The following UBR2 variants were observed in gnomAD, a reference collection of about 807,000 sequenced individuals.
UBR2 encodes ubiquitin protein ligase E3 component n-recognin 2, also known as E3 ubiquitin-protein ligase UBR2.
A neutral mutation model predicts 247.9 loss-of-function variants in UBR2; 92 were observed. The ratio of observed to expected loss-of-function variants is 0.37; its 90% CI spans 0.31 to 0.44. UBR2 has a LOEUF of 0.44. Ranked by LOEUF, UBR2 falls within the 20% of genes least tolerant of loss-of-function variation. The pLI is 1.00. For synonymous variants in UBR2, 672 were observed against 693.5 expected (o/e 0.97, Z 0.49); for missense variants, 1,613 against 2,112.6 (o/e 0.76, Z 4.64).
In UBR2 at chr6:42,659,548, CACACACACACACACT is replaced by C. The variant is rs1265257860; in HGVS notation, c.3243-93_3243-79del. 1.3e-3 allele frequency: 955 copies of C among 751,578 alleles called. 9 individuals carry two copies. In the African/African-American group the frequency reaches 0.017, roughly 13 times the overall value. The allele number at this position is 751,578 out of a possible 1,614,324, so 46.6% of individuals were successfully genotyped here. ...ACACACACACACACACACACACACA[CACACACACACACACT>C]ACACACACACACACATACCTGTAGT... On this transcript the variant is annotated intron_variant, in intron 29 of 46. Transcript: ENST00000372901. This position sits in a 1 kb window ranked among gnomAD's most constrained non-coding sequence, Gnocchi z 4.3.
intron 7 of UBR2, among the ~76,000 whole-genome samples, chr6:42,611,962 T>C (rs1027244923): frequency 1.3e-5 from 2 of 151,312 alleles, no homozygotes; most frequent in Admixed American, 1.3e-4. Context: ...AGCTGAACCT[T>C]CGTATTTTTT....
At chr6:42,681,182 A>AT in intron 42 of UBR2, among the ~76,000 whole-genome samples, 1 of 150,202 alleles carries the variant, frequency 6.7e-6, no homozygotes, top group African/African-American at 2.4e-5. Flanking sequence ...AAAAAAAAAA[A>AT]GAAAGACCAG....
At chr6:42,589,249 G>A (rs1326059023) in intron 2 of UBR2, among the ~76,000 whole-genome samples, 2 of 152,180 alleles carry the variant, frequency 1.3e-5, no homozygotes, top group African/African-American at 4.8e-5. Flanking sequence ...GATTACAGGT[G>A]TGAGCCACTG....
intron 21 of UBR2, among the ~76,000 whole-genome samples, chr6:42,647,417 T>TAA (rs750938791): frequency 0.022 from 2,226 of 101,824 alleles, 70 homozygotes; most frequent in East Asian, 0.052. Context: ...CCATCGCTAC[T>TAA]AAAAAAAAAA....
intron 31 of UBR2, 45 bp downstream of exon 31, chr6:42,662,322 G>C: frequency 8.1e-7 from 1 of 1,238,312 alleles, no homozygotes; most frequent in Non-Finnish European, 1.1e-6. Flanking sequence ...TTATCTAAGG[G>C]CTCAATATTT....
intron 11 of UBR2, among the ~76,000 whole-genome samples, chr6:42,626,650 C>T (rs1795367737): frequency 6.6e-6 from 1 of 152,212 alleles, no homozygotes; most frequent in African/African-American, 2.4e-5. Context: ...ACTTCTGCTT[C>T]ATCCCCACCC....
chr6:42,630,753 G>A (rs961130651), intron 11 of UBR2, among the ~76,000 whole-genome samples: 7 of 152,032 alleles, frequency 4.6e-5, no homozygotes, highest in African/African-American at 1.2e-4. Flanking sequence ...TTAGAATACA[G>A]TTTTAATATA....
intron 15 of UBR2, among the ~76,000 whole-genome samples, chr6:42,638,542 G>T (rs896648184): frequency 6.6e-6 from 1 of 152,144 alleles, no homozygotes; most frequent in Non-Finnish European, 1.5e-5. Flanking sequence ...ATGAAATCAT[G>T]ATCGTAAGAA....
chr6:42,674,295 T>C (rs1217581181), intron 38 of UBR2, 102 bp downstream of exon 38: 3 of 1,039,062 alleles, frequency 2.9e-6, no homozygotes, highest in South Asian at 3.1e-5. Flanking sequence ...GTTATGTGAT[T>C]TCCTTACCCC....
Position 42,612,164 on chromosome 6 carries a change from T to A in UBR2, c.865-7T>A. 1 of 1,498,724 alleles carries A rather than the reference T, an allele frequency of 6.7e-7. No individual in the cohort carries two copies. The highest frequency in any genetic ancestry group is 1.4e-5 in the South Asian group (1 of 72,420). 92.8% of individuals were successfully genotyped at this position (1,498,724 alleles called of 1,614,324 possible). ...TTAATTTTTAAATCTTGCCATTTCTTTTTAAGAGAAATACCAGTAGACAGA... is the reference window on the plus strand; with the variant it reads ...TTAATTTTTAAATCTTGCCATTTCTATTTAAGAGAAATACCAGTAGACAGA... On this transcript the variant is annotated splice_polypyrimidine_tract_variant and splice_region_variant and intron_variant, in intron 7 of 46. Transcript: ENST00000372901.
intron 11 of UBR2, among the ~76,000 whole-genome samples, chr6:42,626,817 T>C (rs1795377054): frequency 6.6e-6 from 1 of 152,192 alleles, no homozygotes. Context: ...GGAAGAACGT[T>C]GAACTCAGTT....
In UBR2 at chr6:42,605,722, GAGA is replaced by G; in HGVS notation, c.668_670del (p.Lys223del). 2 of 1,597,300 alleles carry G rather than the reference GAGA, an allele frequency of 1.3e-6. No homozygotes were observed. The highest frequency in any genetic ancestry group is 1.7e-6 in the Non-Finnish European group (2 of 1,175,486). On this transcript the variant is annotated inframe_deletion and splice_region_variant, in exon 6 of 47. Transcript: ENST00000372901. ...TATCATGAATATTTTATCACACAGA[GAGA>G]AGAGTGACACCTACTATTGCATGCT... is the stretch of plus-strand genomic sequence containing the variant.
chr6:42,639,949 AC>A (rs1230690296), intron 15 of UBR2, among the ~76,000 whole-genome samples: 3 of 152,146 alleles, frequency 2.0e-5, no homozygotes, highest in Non-Finnish European at 4.4e-5. Flanking sequence ...AATGGCGTGA[AC>A]CCGGGAGGCG....
intron 7 of UBR2, among the ~76,000 whole-genome samples, chr6:42,609,895 CAAAAAAA>C: frequency 1.5e-5 from 1 of 64,708 alleles, no homozygotes; most frequent in East Asian, 4.1e-4. Context: ...AACCCTGTTA[CAAAAAAA>C]AAAAAAGAAA....
At chr6:42,673,211 A>C (rs1284330427) in intron 36 of UBR2, among the ~76,000 whole-genome samples, 1 of 152,236 alleles carries the variant, frequency 6.6e-6, no homozygotes, top group East Asian at 1.9e-4. Context: ...TCTACATTTT[A>C]CGGAAGAGTA....
At chr6:42,633,185 T>C (rs1346891080) in intron 13 of UBR2, among the ~76,000 whole-genome samples, 1 of 151,690 alleles carries the variant, frequency 6.6e-6, no homozygotes, top group Non-Finnish European at 1.5e-5. Flanking sequence ...GTTGTTGTTG[T>C]TGTTGTTGTT....
At chr6:42,667,587 CTTTTTTT>C (rs1161068427) in intron 34 of UBR2, among the ~76,000 whole-genome samples, 5 of 47,422 alleles carry the variant, frequency 1.1e-4, no homozygotes, top group East Asian at 8.4e-4. Flanking sequence ...ACAGTTTTGT[CTTTTTTT>C]TTTTTTTTTT....
intron 11 of UBR2, among the ~76,000 whole-genome samples, chr6:42,627,581 T>C (rs962886560): frequency 1.3e-5 from 2 of 152,104 alleles, no homozygotes; most frequent in Non-Finnish European, 1.5e-5. Flanking sequence ...CACTGCAGCC[T>C]CGACCACCCA....
At chr6:42,641,324 C>T (rs549843286) in intron 16 of UBR2, among the ~76,000 whole-genome samples, 16 of 151,862 alleles carry the variant, frequency 1.1e-4, no homozygotes, top group Non-Finnish European at 1.8e-4. Flanking sequence ...ATTGGCCAAG[C>T]GTGTTGGCTT....
Sources: gnomAD v4.1 joint callset for allele counts (sites outside exome capture counted in the v4.1 genomes callset) on GRCh38, gnomAD v4.1.1 for gene constraint, Gnocchi (gnomAD v3.1) non-coding constraint, MANE v1.5 for transcripts, NCBI Gene and HGNC (gene_info 2026-07-23, HGNC 2026-07-21) for gene names.